The following GPHN variants were observed in gnomAD, a reference collection of about 807,000 sequenced individuals.
GPHN encodes gephyrin.
Under a neutral mutation model 95.5 loss-of-function variants are expected in GPHN, and 17 were observed. That is an observed-to-expected ratio of 0.18 (90% CI 0.12 to 0.27). The LOEUF is 0.27. GPHN is among the 10% of genes least tolerant of loss of function. The pLI, the probability that GPHN is intolerant of heterozygous loss-of-function variation, is 1.00. For missense variants in GPHN, 660 were observed against 978.1 expected, an observed-to-expected ratio of 0.67 and a Z score of 4.34; for synonymous variants, 320 against 322.5, an observed-to-expected ratio of 0.99 and a Z score of 0.08.
chr14:66,754,812 G>A (rs2058500893), intron 2 of GPHN, among the ~76,000 whole-genome samples: 1 of 151,932 alleles, frequency 6.6e-6, no homozygotes, highest in Non-Finnish European at 1.5e-5. Context: ...CTATGAATGT[G>A]AACTGTGGGA....
At chr14:67,313,487 C>G in the GPHN span, among the ~76,000 whole-genome samples, 7 of 152,096 alleles carry the variant, frequency 4.6e-5, no homozygotes, top group Admixed American at 2.6e-4. Flanking sequence ...CAGTGCATGA[C>G]TGTATGTAGA....
chr14:66,765,836 T>C (rs1023345366), intron 2 of GPHN, among the ~76,000 whole-genome samples: 2 of 152,228 alleles, frequency 1.3e-5, no homozygotes, highest in African/African-American at 4.8e-5. Flanking sequence ...GTCATCTATT[T>C]AGAATGAAAT....
chr14:67,380,629 C>G, the GPHN span: 4 of 1,287,672 alleles, frequency 3.1e-6, no homozygotes, highest in African/African-American at 3.1e-5. Context: ...TAACCTTGAC[C>G]TTTTGTTATT....
rs561704869 is a variant in GPHN, at chr14:66,880,120, G to A, written c.389+87G>A. On this transcript the variant is annotated intron_variant, in intron 5 of 22. Coordinates refer to ENST00000478722, the MANE Select transcript of GPHN (RefSeq NM_020806.5). Reference sequence around the variant, plus strand: ...AAAAAATCTACACTTTGGCATTGTTGTGAATATTAAATGAGCTAGTCCACA... The same window carrying A: ...AAAAAATCTACACTTTGGCATTGTTATGAATATTAAATGAGCTAGTCCACA... The A allele has an allele frequency of 7.9e-4, 658 of 831,260 alleles. 10 individuals carry two copies. The South Asian group carries it at 8.9e-3, about 11-fold the overall frequency. The allele number at this position is 831,260 out of a possible 1,614,324, so 51.5% of individuals were successfully genotyped here. A position where few individuals can be genotyped will look rare whatever the true frequency, so the allele number is the denominator to read the frequency against.
chr14:67,127,432 T>TA (rs2079397538), intron 17 of GPHN, among the ~76,000 whole-genome samples: 1 of 152,214 alleles, frequency 6.6e-6, no homozygotes, highest in South Asian at 2.1e-4. Flanking sequence ...TATAAGCTAA[T>TA]GATGGAGACT....
chr14:67,200,255 C>G, the GPHN span: 935 of 870,030 alleles, frequency 1.1e-3, 21 homozygotes, highest in East Asian at 7.8e-3. Flanking sequence ...ACCAGCCTCT[C>G]CCTCCAACCA....
intron 9 of GPHN, among the ~76,000 whole-genome samples, chr14:66,966,666 T>A (rs2069349960): frequency 6.6e-6 from 1 of 151,988 alleles, no homozygotes; most frequent in Non-Finnish European, 1.5e-5. Flanking sequence ...ACTTGTAAAG[T>A]CTAGAAAATA....
intron 19 of GPHN, among the ~76,000 whole-genome samples, chr14:67,163,473 A>G (rs72717315): frequency 0.051 from 7,731 of 152,144 alleles, 214 homozygotes; most frequent in Middle Eastern, 0.068. Context: ...GAAAAAAAAA[A>G]TTGGGAAGGA....
the GPHN span, among the ~76,000 whole-genome samples, chr14:67,595,706 C>T: frequency 1.3e-5 from 2 of 152,332 alleles, no homozygotes; most frequent in East Asian, 3.9e-4. Flanking sequence ...CCTGGAACTA[C>T]TATGGCCTCT....
intron 1 of GPHN, among the ~76,000 whole-genome samples, chr14:66,606,614 A>T (rs1382687972): frequency 6.6e-6 from 1 of 152,172 alleles, no homozygotes; most frequent in East Asian, 1.9e-4. Context: ...TGGGCATGGA[A>T]TATATTTCCA....
At chr14:67,359,137 G>T in the GPHN span, among the ~76,000 whole-genome samples, 8 of 152,178 alleles carry the variant, frequency 5.3e-5, no homozygotes, top group African/African-American at 1.9e-4. Context: ...TGGAAAATGA[G>T]TAAGGGGATC....
chr14:67,552,186 C>A, the GPHN span, among the ~76,000 whole-genome samples: 8 of 152,194 alleles, frequency 5.3e-5, no homozygotes, highest in Non-Finnish European at 5.9e-5. Context: ...GCCACCTAAA[C>A]CTGACACCTC....
chr14:67,510,745 A>G, the GPHN span, among the ~76,000 whole-genome samples: 5 of 152,144 alleles, frequency 3.3e-5, no homozygotes, highest in Admixed American at 6.5e-5. Flanking sequence ...GAGAGATACT[A>G]AGGACTTAGG....
At chr14:66,919,519 G>A (rs1194609450) in intron 6 of GPHN, among the ~76,000 whole-genome samples, 1 of 152,108 alleles carries the variant, frequency 6.6e-6, no homozygotes, top group African/African-American at 2.4e-5. Context: ...ATAACAGACA[G>A]GTACAGGCTA....
chr14:67,255,004 C>T, the GPHN span, among the ~76,000 whole-genome samples: 1 of 152,160 alleles, frequency 6.6e-6, no homozygotes, highest in Non-Finnish European at 1.5e-5. Context: ...CAAAAATTAG[C>T]TGGGTGTGGT....
intron 1 of GPHN, among the ~76,000 whole-genome samples, chr14:66,571,244 C>T (rs946485408): frequency 1.2e-4 from 18 of 152,120 alleles, no homozygotes; most frequent in African/African-American, 4.3e-4. Context: ...CCTTAGAAAA[C>T]CATCAGGCCT....
intron 10 of GPHN, among the ~76,000 whole-genome samples, chr14:67,034,546 C>T (rs2074329501): frequency 6.6e-6 from 1 of 151,988 alleles, no homozygotes; most frequent in South Asian, 2.1e-4. Flanking sequence ...CTACAAGAGA[C>T]TCATGCTAGA....
At chr14:67,198,336 G>A in the GPHN span, 1 of 1,604,274 alleles carries the variant, frequency 6.2e-7, no homozygotes, top group Non-Finnish European at 8.5e-7. Context: ...TCATATTCAA[G>A]GCCTGAGTTA....
chr14:66,672,679 C>T (rs1351930835), intron 1 of GPHN, among the ~76,000 whole-genome samples: 1 of 152,134 alleles, frequency 6.6e-6, no homozygotes, highest in East Asian at 1.9e-4. Context: ...TTCCTGAAAA[C>T]TTTTCTTGCT....
Sources: gnomAD v4.1 joint callset for allele counts (sites outside exome capture counted in the v4.1 genomes callset) on GRCh38, gnomAD v4.1.1 for gene constraint, MANE v1.5 for transcripts, NCBI Gene and HGNC (gene_info 2026-07-23, HGNC 2026-07-21) for gene names.